GRM1: variants seen among roughly 807,000 people sequenced by gnomAD.
The protein encoded by GRM1 is metabotropic glutamate receptor 1.
GRM1 carries 33 observed loss-of-function variants against 90.9 expected under a neutral mutation model. That is an observed-to-expected ratio of 0.36 (90% CI 0.28 to 0.49). The LOEUF (loss-of-function observed/expected upper bound fraction) is 0.49, where lower values mean the gene tolerates loss of function less well. Among genes scored for constraint, GRM1 ranks in the 20% least tolerant of loss-of-function variants. The probability of loss-of-function intolerance (pLI) is 0.99; values close to 1 mark genes in which losing one functional copy is unlikely to be tolerated. For missense variants in GRM1, 1,190 were observed against 1,534.3 expected, an observed-to-expected ratio of 0.78 and a Z score of 3.75; for synonymous variants, 700 against 613.2, an observed-to-expected ratio of 1.14 and a Z score of -2.09.
At chr6:146,335,941 T>C (rs1010695599) in intron 3 of GRM1, among the ~76,000 whole-genome samples, 7 of 152,164 alleles carry the variant, frequency 4.6e-5, no homozygotes, top group Admixed American at 2.6e-4. Context: ...CTGATGGTTT[T>C]ACAGAGGGCA....
intron 7 of GRM1, among the ~76,000 whole-genome samples, chr6:146,414,022 A>T (rs1385183964): frequency 1.3e-5 from 2 of 152,208 alleles, no homozygotes; most frequent in African/African-American, 4.8e-5. Flanking sequence ...ATACATACAC[A>T]AGATTTTATT....
intron 3 of GRM1, among the ~76,000 whole-genome samples, chr6:146,336,496 G>C (rs1784776187): frequency 6.6e-6 from 1 of 152,152 alleles, no homozygotes; most frequent in Non-Finnish European, 1.5e-5. Flanking sequence ...CAAACGATGG[G>C]GGAACAGAGT....
chr6:146,368,557 A>G (rs1775785959), intron 5 of GRM1, among the ~76,000 whole-genome samples: 2 of 152,018 alleles, frequency 1.3e-5, no homozygotes, highest in Non-Finnish European at 2.9e-5. Flanking sequence ...TTATATAACT[A>G]ATTTGTCGAG....
chr6:146,209,152 C>A (rs6903092), intron 2 of GRM1, among the ~76,000 whole-genome samples: 16,438 of 152,066 alleles, frequency 0.11, 1,713 homozygotes, highest in African/African-American at 0.27. Flanking sequence ...GTTGGCATGA[C>A]CAGGACTGAA....
intron 1 of GRM1, among the ~76,000 whole-genome samples, chr6:146,147,881 AAAAG>A (rs1167036923): frequency 6.6e-6 from 1 of 152,206 alleles, no homozygotes; most frequent in East Asian, 1.9e-4. Context: ...TCAACTTAAA[AAAAG>A]AAAGAAAGAA....
At chr6:146,038,464 T>C (rs1284753772) in intron 1 of GRM1, among the ~76,000 whole-genome samples, 2 of 151,944 alleles carry the variant, frequency 1.3e-5, no homozygotes, top group Admixed American at 1.3e-4. Flanking sequence ...TAGGGCTAGG[T>C]AGATGTAATA....
intron 1 of GRM1, among the ~76,000 whole-genome samples, chr6:146,124,159 A>T (rs1326594398): frequency 6.6e-6 from 1 of 152,232 alleles, no homozygotes; most frequent in African/African-American, 2.4e-5. Flanking sequence ...GAAAAAATAA[A>T]TACTTGGAAA....
chr6:146,094,367 G>A (rs748994132), intron 1 of GRM1, among the ~76,000 whole-genome samples: 9 of 152,032 alleles, frequency 5.9e-5, no homozygotes, highest in South Asian at 2.1e-4. Flanking sequence ...AGCTTTTCCT[G>A]GTCATTACTA....
At chr6:146,114,386 A>G (rs187120231) in intron 1 of GRM1, among the ~76,000 whole-genome samples, 1 of 152,324 alleles carries the variant, frequency 6.6e-6, no homozygotes, top group Non-Finnish European at 1.5e-5. Flanking sequence ...AAAAATGTGT[A>G]TAATCTTTTC....
intron 7 of GRM1, among the ~76,000 whole-genome samples, chr6:146,400,414 A>C (rs936045538): frequency 6.6e-6 from 1 of 152,188 alleles, no homozygotes; most frequent in African/African-American, 2.4e-5. Context: ...ATAAAAAAAA[A>C]TAAAAAAAGG....
intron 1 of GRM1, among the ~76,000 whole-genome samples, chr6:146,050,970 G>A (rs1791503447): frequency 6.6e-6 from 1 of 152,030 alleles, no homozygotes; most frequent in Non-Finnish European, 1.5e-5. Flanking sequence ...AGGTCTACCA[G>A]TGACTTTGGC....
intron 5 of GRM1, among the ~76,000 whole-genome samples, chr6:146,358,284 T>G (rs1018921965): frequency 6.6e-6 from 1 of 151,966 alleles, no homozygotes; most frequent in Non-Finnish European, 1.5e-5. Flanking sequence ...ATATAGAAAA[T>G]GACAACAAAC....
At chr6:146,117,161 T>A (rs938181884) in intron 1 of GRM1, among the ~76,000 whole-genome samples, 1 of 151,278 alleles carries the variant, frequency 6.6e-6, no homozygotes, top group African/African-American at 2.4e-5. Flanking sequence ...TTTATTTATT[T>A]TTTTTTTAGT....
intron 1 of GRM1, among the ~76,000 whole-genome samples, chr6:146,153,212 T>C (rs1319437642): frequency 1.3e-5 from 2 of 152,330 alleles, no homozygotes; most frequent in East Asian, 1.9e-4. Flanking sequence ...AGCACCTCTA[T>C]TAGATACTTG....
At chr6:146,064,045 T>C (rs766147182) in intron 1 of GRM1, among the ~76,000 whole-genome samples, 1 of 152,196 alleles carries the variant, frequency 6.6e-6, no homozygotes, top group African/African-American at 2.4e-5. Flanking sequence ...GCAAATTAAC[T>C]TGGATTTTCT....
chr6:146,362,022 G>A (rs1775498331), intron 5 of GRM1, among the ~76,000 whole-genome samples: 1 of 152,174 alleles, frequency 6.6e-6, no homozygotes, highest in Non-Finnish European at 1.5e-5. Flanking sequence ...TGAGGGAAAG[G>A]ATACTGAAGA....
chr6:146,197,025 A>G (rs1168971159), intron 2 of GRM1, among the ~76,000 whole-genome samples: 2 of 152,236 alleles, frequency 1.3e-5, no homozygotes, highest in African/African-American at 2.4e-5. Flanking sequence ...CTAATAATAG[A>G]AAATGATAAA....
At chr6:146,371,991 G>A (rs974982101) in intron 5 of GRM1, among the ~76,000 whole-genome samples, 1 of 152,030 alleles carries the variant, frequency 6.6e-6, no homozygotes. Flanking sequence ...TGTCATTGCT[G>A]GATCAGATGG....
intron 2 of GRM1, among the ~76,000 whole-genome samples, chr6:146,176,365 T>G (rs780989348): frequency 6.6e-6 from 1 of 152,120 alleles, no homozygotes; most frequent in Non-Finnish European, 1.5e-5. Context: ...ATAATTGCTG[T>G]TTCAGAATTG....
Sources: gnomAD v4.1 joint callset for allele counts (sites outside exome capture counted in the v4.1 genomes callset) on GRCh38, gnomAD v4.1.1 for gene constraint, MANE v1.5 for transcripts, NCBI Gene and HGNC (gene_info 2026-07-23, HGNC 2026-07-21) for gene names.